Variants in ADGRL4 observed in about 807,000 individuals in gnomAD.
ADGRL4 encodes the protein adhesion G protein-coupled receptor L4.
Under a neutral mutation model 74.8 loss-of-function variants are expected in ADGRL4, and 90 were observed. The observed-to-expected ratio is 1.20, with a 90% CI of 1.02 to 1.43. The LOEUF (loss-of-function observed/expected upper bound fraction) is 1.43, where lower values mean the gene tolerates loss of function less well. ADGRL4 is among the 40% of genes most tolerant of loss of function. ADGRL4 has a pLI of 0.00. For missense variants in ADGRL4, 881 were observed against 814.3 expected (o/e 1.08, Z -1.00); for synonymous variants, 311 against 279.2 (o/e 1.11, Z -1.14).
At chr1:78,953,005 G>A (rs780520680) in intron 2 of ADGRL4, among the ~76,000 whole-genome samples, 21 of 152,098 alleles carry the variant, frequency 1.4e-4, no homozygotes, top group Admixed American at 2.6e-4. Flanking sequence ...AAATGTTCCC[G>A]TTTTATATTA....
At chr1:78,941,098 CT>C (rs202132933) in intron 3 of ADGRL4, among the ~76,000 whole-genome samples, 2,396 of 152,284 alleles carry the variant, frequency 0.016, 35 homozygotes, top group Non-Finnish European at 0.022. Context: ...ACCCTCACCC[CT>C]CATCCTCTAT....
At chr1:78,999,206 A>G (rs1343067105) in intron 2 of ADGRL4, among the ~76,000 whole-genome samples, 4 of 152,168 alleles carry the variant, frequency 2.6e-5, no homozygotes, top group Admixed American at 2.0e-4. Context: ...AATGTCATCA[A>G]TTTTGCAAAA....
intron 2 of ADGRL4, among the ~76,000 whole-genome samples, chr1:78,965,614 G>T (rs1415843138): frequency 6.6e-6 from 1 of 152,148 alleles, no homozygotes; most frequent in African/African-American, 2.4e-5. Flanking sequence ...ACAAGAGATT[G>T]TAAGTGTTAA....
In ADGRL4 at chr1:78,991,888, T is replaced by C. The variant is rs921888685; in HGVS notation, c.172+13182A>G. ...ATGGTTCCAAGTATGTATGGTTCCT[T>C]TAACCTAGTCAATACACATTGCCAG... On this transcript the variant is annotated intron_variant, in intron 2 of 14. Coordinates refer to ENST00000370742, the MANE Select transcript of ADGRL4 (RefSeq NM_022159.4). Among the ~76,000 whole-genome samples the C allele has an allele frequency of 9.9e-5, 15 of 152,168 alleles. No individual in the cohort carries two copies. The Middle Eastern group carries it at 0.017, about 173-fold the overall frequency.
intron 2 of ADGRL4, among the ~76,000 whole-genome samples, chr1:78,976,747 C>G (rs1400387343): frequency 6.6e-6 from 1 of 150,382 alleles, no homozygotes; most frequent in East Asian, 1.9e-4. Context: ...ATAATGTGAA[C>G]AGCACTATAT....
At chr1:78,957,755 A>G (rs1649865167) in intron 2 of ADGRL4, among the ~76,000 whole-genome samples, 1 of 152,210 alleles carries the variant, frequency 6.6e-6, no homozygotes, top group Non-Finnish European at 1.5e-5. Flanking sequence ...GGCTAAGATA[A>G]TTGTTAAAAG....
chr1:78,897,820 CA>C (rs1456360609), intron 12 of ADGRL4, among the ~76,000 whole-genome samples: 1 of 152,206 alleles, frequency 6.6e-6, no homozygotes, highest in Non-Finnish European at 1.5e-5. Flanking sequence ...CCCCTAATGT[CA>C]TATTAAAATA....
intron 2 of ADGRL4, 27 bp downstream of exon 2, chr1:79,005,043 C>A: frequency 6.2e-7 from 1 of 1,601,550 alleles, no homozygotes; most frequent in Admixed American, 1.7e-5. Flanking sequence ...ACAGTATAAT[C>A]CAAAAGAAGT....
chr1:78,892,370 T>A (rs1648298367), intron 13 of ADGRL4, among the ~76,000 whole-genome samples: 1 of 152,148 alleles, frequency 6.6e-6, no homozygotes, highest in Non-Finnish European at 1.5e-5. Flanking sequence ...TATTCTACCC[T>A]GCTCACTAAG....
At chr1:78,988,882 A>G (rs1650549480) in intron 2 of ADGRL4, among the ~76,000 whole-genome samples, 5 of 151,866 alleles carry the variant, frequency 3.3e-5, no homozygotes, top group South Asian at 2.1e-4. Flanking sequence ...CATTTTTCCC[A>G]GAATTAAAAA....
At chr1:78,935,106 T>G (rs1649326098) in intron 7 of ADGRL4, among the ~76,000 whole-genome samples, 1 of 152,208 alleles carries the variant, frequency 6.6e-6, no homozygotes, top group Non-Finnish European at 1.5e-5. Flanking sequence ...CATGGGCACG[T>G]ATGTTTATTG....
At chr1:78,951,642 C>T (rs1649725435) in intron 2 of ADGRL4, among the ~76,000 whole-genome samples, 2 of 152,090 alleles carry the variant, frequency 1.3e-5, no homozygotes, top group Admixed American at 6.6e-5. Flanking sequence ...TTAAATGGTA[C>T]ATTTTATATT....
intron 2 of ADGRL4, among the ~76,000 whole-genome samples, chr1:78,988,896 A>G (rs1314641448): frequency 6.6e-6 from 1 of 151,892 alleles, no homozygotes; most frequent in African/African-American, 2.4e-5. Flanking sequence ...TTAAAAATAT[A>G]TATGTACTTC....
At chr1:78,917,148 T>C (rs1480337291) in intron 12 of ADGRL4, among the ~76,000 whole-genome samples, 1 of 151,794 alleles carries the variant, frequency 6.6e-6, no homozygotes, top group Admixed American at 6.6e-5. Context: ...GATAAAACTA[T>C]AAAGATGACA....
chr1:78,982,998 G>A lies in ADGRL4; in HGVS notation c.172+22072C>T, dbSNP rs577633316. 1.1e-4 allele frequency among the ~76,000 whole-genome samples: 17 copies of A among 151,880 alleles called. 1 individual carries two copies. The Middle Eastern group carries it at 0.014, about 122-fold the overall frequency. On this transcript the variant is annotated intron_variant, in intron 2 of 14. Coordinates refer to ENST00000370742, the MANE Select transcript of ADGRL4 (RefSeq NM_022159.4). ...AATTATTGGTTTTGGCCTAGGCTAC[G>A]GGGGCAGAGGGAGAGTGGGAGTCAT... is the stretch of plus-strand genomic sequence containing the variant.
In ADGRL4 at chr1:78,935,942, T is replaced by C. The variant is rs1475457048; in HGVS notation, c.877+353A>G. 9.6e-5 allele frequency among the ~76,000 whole-genome samples: 8 copies of C among 83,002 alleles called. 3 individuals are homozygous for C. In the Admixed American group the frequency reaches 1.1e-3, roughly 11 times the overall value. 54.5% of individuals were successfully genotyped at this position (83,002 alleles called of 152,430 possible). On this transcript the variant is annotated intron_variant, in intron 7 of 14. Transcript: ENST00000370742. Reference sequence around the variant, plus strand: ...ATCGAGACCATCCTGGCTAACACGGTGAAACCCCGTCTCTACTAAAAATAC... The same window carrying C: ...ATCGAGACCATCCTGGCTAACACGGCGAAACCCCGTCTCTACTAAAAATAC...
chr1:78,903,165 T>C (rs1648554064), intron 12 of ADGRL4, among the ~76,000 whole-genome samples: 2 of 152,168 alleles, frequency 1.3e-5, no homozygotes, highest in South Asian at 4.1e-4. Flanking sequence ...CTGAAGGCTA[T>C]ATTTGTTCCT....
Position 78,946,435 on chromosome 1 carries a change from A to C in ADGRL4, c.173-9T>G. 1 of 1,590,870 alleles carries C rather than the reference A, an allele frequency of 6.3e-7. No individual in the cohort carries two copies. The highest frequency in any genetic ancestry group is 8.5e-7 in the Non-Finnish European group (1 of 1,169,884). ...TCCACATTCATTATCATCTGTTGGCATATGAATTTAAAAGATTATTTTTAT... is the reference window on the plus strand; with the variant it reads ...TCCACATTCATTATCATCTGTTGGCCTATGAATTTAAAAGATTATTTTTAT... On this transcript the variant is annotated splice_polypyrimidine_tract_variant and intron_variant, in intron 2 of 14. Transcript: ENST00000370742.
At chr1:78,963,070 T>C (rs1405901726) in intron 2 of ADGRL4, among the ~76,000 whole-genome samples, 1 of 152,192 alleles carries the variant, frequency 6.6e-6, no homozygotes, top group Non-Finnish European at 1.5e-5. Flanking sequence ...AATTTACTGA[T>C]ATTTGTATTT....
Sources: allele counts gnomAD v4.1 joint callset (sites outside exome capture counted in the v4.1 genomes callset), GRCh38; gene constraint gnomAD v4.1.1; transcripts MANE v1.5; gene names NCBI Gene and HGNC (gene_info 2026-07-23, HGNC 2026-07-21).